SLCO1A2: variants seen among roughly 807,000 people sequenced by gnomAD.
SLCO1A2 encodes OATP-1.
SLCO1A2 carries 67 observed loss-of-function variants against 69.0 expected under a neutral mutation model. That is an observed-to-expected ratio of 0.97 (90% CI 0.80 to 1.19). SLCO1A2 has a LOEUF of 1.19. SLCO1A2 is among the 50% of genes most tolerant of loss of function. SLCO1A2 has a pLI of 0.00. For missense variants in SLCO1A2, 787 were observed against 793.7 expected (o/e 0.99, Z 0.10); for synonymous variants, 260 against 265.9 (o/e 0.98, Z 0.22).
upstream of SLCO1A2, among the ~76,000 whole-genome samples, chr12:21,418,594 A>G (rs1176099034): frequency 6.6e-6 from 1 of 152,186 alleles, no homozygotes; most frequent in Non-Finnish European, 1.5e-5. Flanking sequence ...AAAACCCCTT[A>G]TAAAACCATC....
chr12:21,417,711 T>C (rs959480878), intron 1 of SLCO1A2, among the ~76,000 whole-genome samples: 1 of 152,108 alleles, frequency 6.6e-6, no homozygotes, highest in African/African-American at 2.4e-5. Flanking sequence ...AAAAATTATG[T>C]AGAAGATGGG....
At chr12:21,338,759 A>G (rs1196744287), upstream of SLCO1A2, among the ~76,000 whole-genome samples, 1 of 151,956 alleles carries the variant, frequency 6.6e-6, no homozygotes, top group East Asian at 1.9e-4. Context: ...GTGCCAATAT[A>G]TGGCATGTAA....
chr12:21,398,606 C>A (rs1458908194), upstream of SLCO1A2, among the ~76,000 whole-genome samples: 1 of 152,014 alleles, frequency 6.6e-6, no homozygotes, highest in Non-Finnish European at 1.5e-5. Flanking sequence ...CCTTGATGAA[C>A]ATTGATGCAA....
At chr12:21,405,868 T>C (rs868110381) in intron 1 of SLCO1A2, among the ~76,000 whole-genome samples, 3 of 152,222 alleles carry the variant, frequency 2.0e-5, no homozygotes, top group South Asian at 4.1e-4. Flanking sequence ...CATGAGTAGC[T>C]GTTACCTTGG....
rs983502705 is a variant in SLCO1A2, at chr12:21,306,868, A to G, written c.442+14T>C. ...AGTTCGCTGAACAAAAATCAATACA[A>G]TGAAGTAGACAACCTGATGGATCCT... On this transcript the variant is annotated intron_variant, in intron 5 of 14. Transcript: ENST00000683939. 6 of 1,588,734 alleles carry G rather than the reference A, an allele frequency of 3.8e-6. No homozygotes were observed. Among genetic ancestry groups the G allele is most frequent in the East Asian group, 2.2e-5 (1 of 44,684 alleles).
In SLCO1A2 at chr12:21,318,872, AT is replaced by A; in HGVS notation, c.111del (p.Ser38LeufsTer3). On this transcript the variant is annotated frameshift_variant, in exon 3 of 15. Coordinates refer to ENST00000683939, the MANE Select transcript of SLCO1A2 (RefSeq NM_001386879.1). LOFTEE classifies it high-confidence loss of function. ...TCAFVSKTLS[G>X]SYMNSMLTQI... ...TGTGTGAGCATGGAATTCATATAAG[AT>A]CCAGACAGTGTTTTGGATACAAATG... 6.2e-7 allele frequency: 1 copy of A among 1,611,428 alleles called. No individual in the cohort carries two copies. Among genetic ancestry groups the A allele is most frequent in the Middle Eastern group, 1.7e-4 (1 of 6,048 alleles).
intron 12 of SLCO1A2, among the ~76,000 whole-genome samples, chr12:21,285,993 C>T (rs1274496781): frequency 4.4e-4 from 67 of 152,048 alleles, no homozygotes; most frequent in African/African-American, 1.1e-3. Context: ...AATATAGTGT[C>T]GGAAGTTCTG....
In SLCO1A2 at chr12:21,300,513, A is replaced by C. The variant is rs775750567; in HGVS notation, c.745T>G (p.Phe249Val). The change falls in exon 8 of 15, where the codon TTT (phenylalanine) becomes GTT (valine). Residue 249 changes from phenylalanine to valine, a missense_variant. By Grantham distance (50) the Phe-to-Val change is conservative. Coordinates refer to ENST00000683939, the MANE Select transcript of SLCO1A2 (RefSeq NM_001386879.1). ...ACGTTAACTCCTGCACAAATCAGAAAGCCAAACCACCATGCACCGACCCAA... is the reference window on the plus strand; with the variant it reads ...ACGTTAACTCCTGCACAAATCAGAACGCCAAACCACCATGCACCGACCCAA... ...TRWVGAWWFG[F>V]LICAGVNVLT... The C allele has an allele frequency of 2.9e-5, 46 of 1,613,500 alleles. No individual in the cohort carries two copies. Among genetic ancestry groups the C allele is most frequent in the Admixed American group, 1.7e-5 (1 of 59,894 alleles).
rs975477459 is a variant in SLCO1A2, at chr12:21,382,786, T to G, written c.-189-8261A>C. On this transcript the variant is annotated intron_variant, in intron 1 of 15. Transcript: ENST00000307378. ...CTCCAGCCTGGGCGACAGAAGAAAC[T>G]CCGTCTCAAAAAAAAAAAAAAAAGA... Among the ~76,000 whole-genome samples the G allele has an allele frequency of 3.0e-5, 3 of 100,312 alleles. No individual in the cohort carries two copies. The East Asian group carries it at 7.6e-4, about 25-fold the overall frequency. 65.8% of individuals were successfully genotyped at this position (100,312 alleles called of 152,430 possible). A position where few individuals can be genotyped will look rare whatever the true frequency, so the allele number is the denominator to read the frequency against.
intron 2 of SLCO1A2, chr12:21,319,725 A>C (rs1184147126): frequency 3.7e-6 from 1 of 268,868 alleles, no homozygotes; most frequent in African/African-American, 2.2e-5. Flanking sequence ...AAATTTCCAT[A>C]GGTTTTATCA....
At position 21,274,576 on chromosome 12, in the gene SLCO1A2, A is replaced by G. The variant is rs1380972371; in HGVS notation, c.1686T>C (p.Pro562=). The change falls in exon 14 of 15, where the codon CCT becomes CCC. Residue 562 remains proline, a synonymous_variant. Transcript: ENST00000683939. ...TFCTRVFAGI[P]APIYFGALMD... ...TTAAAGCGCCAAAATATATAGGTGC[A>G]GGAATGCCAGCTACAATTGACAGGG... 4 of 1,601,498 alleles carry G rather than the reference A, an allele frequency of 2.5e-6. No individual in the cohort carries two copies. The African/African-American group carries it at 5.4e-5, about 21-fold the overall frequency.
At chr12:21,337,211 T>C (rs1284298094), upstream of SLCO1A2, among the ~76,000 whole-genome samples, 3 of 152,058 alleles carry the variant, frequency 2.0e-5, no homozygotes, top group Admixed American at 6.6e-5. Flanking sequence ...TCTATATCCA[T>C]TGAACAGCAA....
At chr12:21,272,094 T>G (rs1279541616) in intron 14 of SLCO1A2, among the ~76,000 whole-genome samples, 1 of 151,722 alleles carries the variant, frequency 6.6e-6, no homozygotes, top group South Asian at 2.1e-4. Flanking sequence ...TTTTTTATTA[T>G]AGACTTTCAT....
At chr12:21,280,479 CGAA>C (rs948935790) in intron 12 of SLCO1A2, among the ~76,000 whole-genome samples, 3 of 151,374 alleles carry the variant, frequency 2.0e-5, no homozygotes, top group African/African-American at 4.9e-5. Flanking sequence ...TAAGAAGAGA[CGAA>C]GAAGATCATT....
In SLCO1A2 at chr12:21,348,223, ATT is replaced by A. The variant is rs576107341; in HGVS notation, c.-62-13516_-62-13515del. ...GAATGGGGTATCCATCCCCTCAAGC[ATT>A]TAACCATTGAGTTGCAAACCATCCA... On this transcript the variant is annotated intron_variant, in intron 2 of 15. Coordinates refer to the SLCO1A2 transcript ENST00000307378. 4.1e-4 allele frequency among the ~76,000 whole-genome samples: 63 copies of A among 152,316 alleles called. 2 individuals carry two copies. The highest frequency in any genetic ancestry group is 1.5e-3 in the African/African-American group (63 of 41,570).
intron 1 of SLCO1A2, among the ~76,000 whole-genome samples, chr12:21,411,619 A>T (rs1164109238): frequency 6.6e-6 from 1 of 152,156 alleles, no homozygotes; most frequent in Non-Finnish European, 1.5e-5. Context: ...GAATAATCTT[A>T]TCAAATTTTA....
At chr12:21,410,124 T>C (rs898758758) in intron 1 of SLCO1A2, among the ~76,000 whole-genome samples, 13 of 152,168 alleles carry the variant, frequency 8.5e-5, no homozygotes, top group African/African-American at 3.1e-4. Flanking sequence ...ATAAACCAAA[T>C]CTAAGAGTCT....
chr12:21,295,589 C>T lies in SLCO1A2; in HGVS notation c.1271+8G>A. 1 of 1,530,164 alleles carries T rather than the reference C, an allele frequency of 6.5e-7. No individual in the cohort carries two copies. The highest frequency in any genetic ancestry group is 9.0e-7 in the Non-Finnish European group (1 of 1,108,954). The allele number at this position is 1,530,164 out of a possible 1,614,324, so 94.8% of individuals were successfully genotyped here. A position where few individuals can be genotyped will look rare whatever the true frequency, so the allele number is the denominator to read the frequency against. On this transcript the variant is annotated splice_region_variant and intron_variant, in intron 10 of 14. Transcript: ENST00000683939. ...AAAGATTCTCACATTCATTAGAAAA[C>T]AACATACCCTTCATAAGAGGTATTT...
Position 21,264,696 on chromosome 12 carries a change from T to C in SLCO1A2, c.*4852A>G, listed in dbSNP as rs1941888232. ...AAAGCAATCTTACAGGATTATGCAATAGTGTCTCACACAGAAATGACTCCA... is the reference window on the plus strand; with the variant it reads ...AAAGCAATCTTACAGGATTATGCAACAGTGTCTCACACAGAAATGACTCCA... On this transcript the variant is annotated 3_prime_UTR_variant, in exon 15 of 15. Transcript: ENST00000683939. 1 of 152,168 alleles carries C rather than the reference T, an allele frequency of 6.6e-6. No individual in the cohort carries two copies. The highest frequency in any genetic ancestry group is 2.1e-4 in the South Asian group (1 of 4,832). 9.4% of individuals were successfully genotyped at this position (152,168 alleles called of 1,614,324 possible). A position where few individuals can be genotyped will look rare whatever the true frequency, so the allele number is the denominator to read the frequency against.
Sources: gnomAD v4.1 joint callset for allele counts (sites outside exome capture counted in the v4.1 genomes callset) on GRCh38, gnomAD v4.1.1 for gene constraint, MANE v1.5 for transcripts, NCBI Gene and HGNC (gene_info 2026-07-23, HGNC 2026-07-21) for gene names.